The following CAPSL variants were observed in gnomAD, a reference collection of about 807,000 sequenced individuals.
CAPSL encodes calcyphosin-like protein.
In CAPSL, 17 loss-of-function variants were observed where a neutral mutation model predicts 21.3. That is an observed-to-expected ratio of 0.80 (90% CI 0.55 to 1.20). The LOEUF (loss-of-function observed/expected upper bound fraction) is 1.20. Ranked by LOEUF, CAPSL falls within the 50% of genes most tolerant of loss-of-function variation. The pLI is 0.00. For missense variants in CAPSL, 289 were observed against 259.3 expected, an observed-to-expected ratio of 1.11 and a Z score of -0.79; for synonymous variants, 102 against 89.3, an observed-to-expected ratio of 1.14 and a Z score of -0.80.
chr5:35,931,916 A>C (rs1738836129), intron 1 of CAPSL, among the ~76,000 whole-genome samples: 1 of 152,230 alleles, frequency 6.6e-6, no homozygotes, highest in Non-Finnish European at 1.5e-5. Context: ...CAACTGGTAC[A>C]TCTTCTATCA....
At chr5:35,933,523 C>A (rs1361498068) in intron 1 of CAPSL, among the ~76,000 whole-genome samples, 2 of 151,700 alleles carry the variant, frequency 1.3e-5, no homozygotes, top group Non-Finnish European at 2.9e-5. Flanking sequence ...AACAGGAAAC[C>A]CCTGTGGTCA....
chr5:35,915,801 A>G (rs1439975775), intron 2 of CAPSL, among the ~76,000 whole-genome samples: 2 of 152,248 alleles, frequency 1.3e-5, no homozygotes, highest in Non-Finnish European at 2.9e-5. Context: ...GAAAACTGGC[A>G]CAAGACAGGG....
At chr5:35,914,143 CA>C (rs758017294) in intron 2 of CAPSL, among the ~76,000 whole-genome samples, 1 of 152,180 alleles carries the variant, frequency 6.6e-6, no homozygotes, top group Non-Finnish European at 1.5e-5. Context: ...GGGATCAATT[CA>C]ACAAGAAGAG....
intron 1 of CAPSL, among the ~76,000 whole-genome samples, chr5:35,933,017 G>A (rs116422747): frequency 0.011 from 1,618 of 152,196 alleles, 36 homozygotes; most frequent in African/African-American, 0.036. Context: ...AACCACATAC[G>A]TGTATTTCTA....
At chr5:35,929,405 G>A (rs892195112) in intron 1 of CAPSL, among the ~76,000 whole-genome samples, 3 of 148,820 alleles carry the variant, frequency 2.0e-5, no homozygotes, top group Non-Finnish European at 4.4e-5. Context: ...CAATCCTCCT[G>A]CCTCAGCCTC....
intron 2 of CAPSL, among the ~76,000 whole-genome samples, chr5:35,917,459 A>G (rs1738420666): frequency 6.6e-6 from 1 of 152,230 alleles, no homozygotes; most frequent in African/African-American, 2.4e-5. Context: ...AAGACTTGGA[A>G]CCAACCCAAA....
intron 1 of CAPSL, among the ~76,000 whole-genome samples, chr5:35,936,893 A>G (rs1247021579): frequency 6.6e-6 from 1 of 152,218 alleles, no homozygotes; most frequent in Admixed American, 6.5e-5. Context: ...GATGACCTAC[A>G]GACACTTTCA....
At chr5:35,905,457 A>G (rs776697810) in intron 4 of CAPSL, among the ~76,000 whole-genome samples, 1 of 152,212 alleles carries the variant, frequency 6.6e-6, no homozygotes, top group Non-Finnish European at 1.5e-5. Flanking sequence ...TGAAATTATA[A>G]GTGACCAGAA....
intron 2 of CAPSL, among the ~76,000 whole-genome samples, chr5:35,914,852 C>A (rs1334513228): frequency 6.6e-6 from 1 of 152,096 alleles, no homozygotes; most frequent in South Asian, 2.1e-4. Context: ...CAAGAAATAA[C>A]TAAGATCAGA....
At chr5:35,921,712 G>A (rs1738542791) in intron 1 of CAPSL, among the ~76,000 whole-genome samples, 1 of 152,138 alleles carries the variant, frequency 6.6e-6, no homozygotes, top group South Asian at 2.1e-4. Context: ...AACTCTTGTA[G>A]CCACACTTGA....
At chr5:35,934,070 T>C (rs955913948) in intron 1 of CAPSL, among the ~76,000 whole-genome samples, 5 of 152,214 alleles carry the variant, frequency 3.3e-5, no homozygotes, top group Non-Finnish European at 5.9e-5. Context: ...TTCTGAAATA[T>C]AGAAAACTGC....
intron 2 of CAPSL, among the ~76,000 whole-genome samples, chr5:35,916,744 C>T (rs1738397451): frequency 6.6e-6 from 1 of 152,146 alleles, no homozygotes; most frequent in African/African-American, 2.4e-5. Context: ...ACATGTTAGA[C>T]CTAAAACCAT....
At chr5:35,933,080 A>G (rs1738859948) in intron 1 of CAPSL, among the ~76,000 whole-genome samples, 1 of 152,186 alleles carries the variant, frequency 6.6e-6, no homozygotes, top group African/African-American at 2.4e-5. Context: ...TAGTTGCATC[A>G]TAGACCTTCT....
Position 35,913,844 on chromosome 5 carries a change from A to G in CAPSL, c.138-3301T>C, listed in dbSNP as rs565625509. On this transcript the variant is annotated intron_variant, in intron 2 of 4. Coordinates refer to ENST00000651391, the MANE Select transcript of CAPSL (RefSeq NM_001042625.2). ...GCTAACATCATAATGACAGGATCAA[A>G]TTCAAAGATAACAATATTAACCTGA... 2.6e-5 allele frequency among the ~76,000 whole-genome samples: 4 copies of G among 152,342 alleles called. No individual in the cohort carries two copies. The South Asian group carries it at 8.3e-4, about 32-fold the overall frequency.
intron 4 of CAPSL, among the ~76,000 whole-genome samples, chr5:35,909,461 A>G (rs1172847239): frequency 5.9e-5 from 9 of 152,188 alleles, no homozygotes; most frequent in African/African-American, 1.7e-4. Flanking sequence ...CTCCAAAATT[A>G]AATTATGATC....
chr5:35,906,652 G>A (rs1760685526), intron 4 of CAPSL, among the ~76,000 whole-genome samples: 1 of 152,126 alleles, frequency 6.6e-6, no homozygotes, highest in South Asian at 2.1e-4. Flanking sequence ...CCTAATTTGT[G>A]TATTCCAGTG....
At chr5:35,929,746 C>A (rs1230599246) in intron 1 of CAPSL, among the ~76,000 whole-genome samples, 1 of 152,166 alleles carries the variant, frequency 6.6e-6, no homozygotes, top group Non-Finnish European at 1.5e-5. Flanking sequence ...TGCTAGATTT[C>A]ATACCAGCAG....
intron 1 of CAPSL, among the ~76,000 whole-genome samples, chr5:35,926,390 G>T (rs916732956): frequency 3.9e-5 from 6 of 152,172 alleles, no homozygotes; most frequent in Non-Finnish European, 8.8e-5. Context: ...GCAGAGTGTA[G>T]CTACGGTAGC....
chr5:35,916,612 G>T (rs895345269), intron 2 of CAPSL, among the ~76,000 whole-genome samples: 1 of 152,180 alleles, frequency 6.6e-6, no homozygotes, highest in Non-Finnish European at 1.5e-5. Context: ...AAGTAATGGG[G>T]AAAGGATTGC....
Sources: gnomAD v4.1 joint callset for allele counts (sites outside exome capture counted in the v4.1 genomes callset) on GRCh38, gnomAD v4.1.1 for gene constraint, MANE v1.5 for transcripts, NCBI Gene and HGNC (gene_info 2026-07-23, HGNC 2026-07-21) for gene names.